NCALD: variants seen among roughly 807,000 people sequenced by gnomAD.
NCALD encodes the protein neurocalcin-delta.
NCALD carries 10 observed loss-of-function variants against 18.6 expected under a neutral mutation model. The observed-to-expected ratio is 0.54, with a 90% CI of 0.33 to 0.91. The LOEUF (loss-of-function observed/expected upper bound fraction) is 0.91, where lower values mean the gene tolerates loss of function less well. NCALD is among the 40% of genes least tolerant of loss of function. NCALD has a pLI of 0.03. For synonymous variants in NCALD, 88 were observed against 87.4 expected, an observed-to-expected ratio of 1.01 and a Z score of -0.04; for missense variants, 184 against 247.6, an observed-to-expected ratio of 0.74 and a Z score of 1.72.
intron 3 of NCALD, among the ~76,000 whole-genome samples, chr8:101,901,666 GTACATCAAGAACTACA>G (rs1184014278): frequency 2.0e-5 from 3 of 151,560 alleles, no homozygotes; most frequent in Non-Finnish European, 4.4e-5. Context: ...ATTTATCTAC[GTACATCAAGAACTACA>G]TCGGATAGTG....
At chr8:101,817,409 C>T (rs920151695) in intron 4 of NCALD, among the ~76,000 whole-genome samples, 2 of 152,158 alleles carry the variant, frequency 1.3e-5, no homozygotes, top group African/African-American at 4.8e-5. Flanking sequence ...ATTTTCTTGT[C>T]ACCCACATTA....
intron 3 of NCALD, among the ~76,000 whole-genome samples, chr8:101,898,546 A>T (rs557042706): frequency 6.6e-6 from 1 of 152,190 alleles, no homozygotes; most frequent in African/African-American, 2.4e-5. Context: ...TTTTTCTTTT[A>T]TAGATCATGC....
chr8:101,922,638 G>C (rs1818207163), intron 2 of NCALD, among the ~76,000 whole-genome samples: 1 of 152,136 alleles, frequency 6.6e-6, no homozygotes, highest in Non-Finnish European at 1.5e-5. Flanking sequence ...TGTCTTTACA[G>C]AATTTGTGTT....
At chr8:102,021,884 A>G (rs978647216) in intron 1 of NCALD, among the ~76,000 whole-genome samples, 1 of 145,396 alleles carries the variant, frequency 6.9e-6, no homozygotes, top group African/African-American at 2.7e-5. Flanking sequence ...CAGGTTGGAA[A>G]TACTCAACCA....
intron 2 of NCALD, among the ~76,000 whole-genome samples, chr8:101,933,276 C>A (rs151118511): frequency 4.9e-4 from 75 of 152,286 alleles, no homozygotes; most frequent in African/African-American, 1.7e-3. Context: ...TCTGAAAGCA[C>A]CCACTGTAAT....
chr8:101,916,156 T>G (rs1167425411), intron 2 of NCALD, among the ~76,000 whole-genome samples: 1 of 152,100 alleles, frequency 6.6e-6, no homozygotes, highest in Non-Finnish European at 1.5e-5. Context: ...GAGAGTTAAG[T>G]GAAGGAATAC....
At chr8:101,974,812 C>T (rs1418576107) in intron 2 of NCALD, among the ~76,000 whole-genome samples, 2 of 152,064 alleles carry the variant, frequency 1.3e-5, no homozygotes, top group African/African-American at 4.8e-5. Flanking sequence ...TGGGAAAACA[C>T]CTTAGTTATG....
intron 2 of NCALD, among the ~76,000 whole-genome samples, chr8:101,952,144 G>T (rs1259938996): frequency 9.9e-5 from 15 of 152,162 alleles, no homozygotes; most frequent in Admixed American, 9.8e-4. Context: ...AGTGTATCTG[G>T]GAGGAAGCCC....
At chr8:101,791,965 C>T (rs147137818), upstream of NCALD, among the ~76,000 whole-genome samples, 176 of 152,248 alleles carry the variant, frequency 1.2e-3, no homozygotes, top group African/African-American at 3.9e-3. Flanking sequence ...GCACACGTGC[C>T]TATTTCCCAG....
rs67447416 is a variant in NCALD at position 102,107,195 on chromosome 8, CATATATATATATATAT to C, written c.-210+17026_-210+17041del. Among the ~76,000 whole-genome samples, 271 of 89,294 alleles carry C rather than the reference CATATATATATATATAT, an allele frequency of 3.0e-3. 4 individuals are homozygous for C. The highest frequency in any genetic ancestry group is 6.3e-3 in the Admixed American group (44 of 6,984). 58.6% of individuals were successfully genotyped at this position (89,294 alleles called of 152,430 possible). A position where few individuals can be genotyped will look rare whatever the true frequency, so the allele number is the denominator to read the frequency against. On this transcript the variant is annotated intron_variant, in intron 1 of 6. Coordinates refer to the NCALD transcript ENST00000311028. ...TATCTACAGCCTATATATGTGTGTA[CATATATATATATATAT>C]ATATATATATATATATATATATATA...
intron 4 of NCALD, among the ~76,000 whole-genome samples, chr8:101,858,256 G>T (rs1391552528): frequency 2.0e-5 from 3 of 152,204 alleles, no homozygotes; most frequent in African/African-American, 7.2e-5. Flanking sequence ...CACGTCATTG[G>T]ATCTATAGAG....
At chr8:101,804,332 A>G (rs1812982804) in intron 4 of NCALD, among the ~76,000 whole-genome samples, 1 of 73,542 alleles carries the variant, frequency 1.4e-5, no homozygotes, top group African/African-American at 3.2e-5. Context: ...ATATATAATT[A>G]TATCAATTAT....
At chr8:101,801,643 CTTTTTTTTTTTTTTTTTTT>C (rs71268530) in intron 4 of NCALD, among the ~76,000 whole-genome samples, 545 of 44,098 alleles carry the variant, frequency 0.012, 6 homozygotes, top group South Asian at 0.06. Flanking sequence ...AGCACACTTA[CTTTTTTTTTTTTTTTTTTT>C]TTTTTTTTTT....
intron 1 of NCALD, among the ~76,000 whole-genome samples, chr8:102,073,915 A>C (rs1294452741): frequency 6.6e-6 from 1 of 152,198 alleles, no homozygotes; most frequent in Admixed American, 6.5e-5. Context: ...GAGTTGCACT[A>C]GATGTTTTTG....
intron 4 of NCALD, among the ~76,000 whole-genome samples, chr8:101,835,182 C>A (rs1195825814): frequency 2.6e-5 from 4 of 152,212 alleles, no homozygotes; most frequent in Non-Finnish European, 5.9e-5. Flanking sequence ...AACAAGTAAA[C>A]CTCAACATTT....
intron 1 of NCALD, among the ~76,000 whole-genome samples, chr8:102,046,284 T>G (rs542022810): frequency 6.6e-6 from 1 of 152,300 alleles, no homozygotes; most frequent in South Asian, 2.1e-4. Context: ...TTACCATATC[T>G]CACAATTCCA....
chr8:101,801,998 T>C (rs1314217145), intron 4 of NCALD, among the ~76,000 whole-genome samples: 2 of 152,180 alleles, frequency 1.3e-5, no homozygotes, highest in East Asian at 1.9e-4. Flanking sequence ...TTTGCTTTAC[T>C]GTGCTTCACA....
At chr8:101,772,870 G>A (rs753592442) in intron 1 of NCALD, among the ~76,000 whole-genome samples, 35 of 152,138 alleles carry the variant, frequency 2.3e-4, no homozygotes, top group Non-Finnish European at 4.4e-4. Context: ...AAAGGAGAGG[G>A]TCATGGTCCA....
At chr8:102,068,794 C>T (rs1476006391) in intron 1 of NCALD, among the ~76,000 whole-genome samples, 4 of 152,062 alleles carry the variant, frequency 2.6e-5, no homozygotes, top group Non-Finnish European at 1.5e-5. Flanking sequence ...TAAATATTTG[C>T]ACAACAGGAT....
Sources: gnomAD v4.1 joint callset for allele counts (sites outside exome capture counted in the v4.1 genomes callset) on GRCh38, gnomAD v4.1.1 for gene constraint, MANE v1.5 for transcripts, NCBI Gene and HGNC (gene_info 2026-07-23, HGNC 2026-07-21) for gene names.